RAPGEF4: variants seen among roughly 807,000 people sequenced by gnomAD.
The protein encoded by RAPGEF4 is RAP guanine-nucleotide-exchange factor (GEF) 4.
In RAPGEF4, 66 loss-of-function variants were observed where a neutral mutation model predicts 147.9. The ratio of observed to expected loss-of-function variants is 0.45; its 90% CI spans 0.37 to 0.55. RAPGEF4 has a LOEUF of 0.55. Ranked by LOEUF, RAPGEF4 falls within the 20% of genes least tolerant of loss-of-function variation. The pLI, the probability that RAPGEF4 is intolerant of heterozygous loss-of-function variation, is 0.00. For missense variants in RAPGEF4, 1,071 were observed against 1,257.3 expected (o/e 0.85, Z 2.24); for synonymous variants, 419 against 442.7 (o/e 0.95, Z 0.67).
At chr2:172,991,232 T>G (rs1692803401) in intron 15 of RAPGEF4, among the ~76,000 whole-genome samples, 1 of 152,168 alleles carries the variant, frequency 6.6e-6, no homozygotes. Flanking sequence ...ACAATGGGAA[T>G]AGCAATGCCA....
At chr2:172,797,201 T>C (rs1160701015) in intron 2 of RAPGEF4, among the ~76,000 whole-genome samples, 2 of 152,224 alleles carry the variant, frequency 1.3e-5, no homozygotes, top group East Asian at 1.9e-4. Flanking sequence ...GCTTTTAATA[T>C]AGTCTTGGGA....
At chr2:172,965,736 C>T (rs1186703020) in intron 9 of RAPGEF4, 53 bp downstream of exon 9, 3 of 1,610,368 alleles carry the variant, frequency 1.9e-6, no homozygotes, top group African/African-American at 1.3e-5. Context: ...AAGTGCATTT[C>T]CCTGGGTAAG....
At chr2:172,777,401 AG>A (rs1684278143) in intron 1 of RAPGEF4, among the ~76,000 whole-genome samples, 2 of 152,158 alleles carry the variant, frequency 1.3e-5, no homozygotes, top group South Asian at 4.2e-4. Context: ...CTTATGTTCT[AG>A]TGGAGACAAT....
At chr2:173,004,632 A>G (rs1347328733) in intron 17 of RAPGEF4, among the ~76,000 whole-genome samples, 2 of 152,002 alleles carry the variant, frequency 1.3e-5, no homozygotes, top group Non-Finnish European at 2.9e-5. Flanking sequence ...TTTCTATGCC[A>G]TTTTTCTAAA....
At chr2:172,846,022 C>A (rs1246465938) in intron 4 of RAPGEF4, among the ~76,000 whole-genome samples, 1 of 152,196 alleles carries the variant, frequency 6.6e-6, no homozygotes, top group African/African-American at 2.4e-5. Context: ...AGCAAACCCT[C>A]CTCACCGCAG....
intron 4 of RAPGEF4, among the ~76,000 whole-genome samples, chr2:172,897,296 A>G (rs1051022415): frequency 2.6e-5 from 4 of 152,140 alleles, no homozygotes; most frequent in Admixed American, 6.5e-5. Flanking sequence ...GACACCCCAC[A>G]TCCCAGTTAG....
intron 6 of RAPGEF4, among the ~76,000 whole-genome samples, chr2:172,924,691 G>A (rs1023674235): frequency 6.6e-6 from 1 of 152,198 alleles, no homozygotes; most frequent in Non-Finnish European, 1.5e-5. Flanking sequence ...GAGCCTTAAA[G>A]TGGTGTTAAT....
At chr2:172,944,764 C>T (rs1464795213) in intron 6 of RAPGEF4, among the ~76,000 whole-genome samples, 5 of 152,118 alleles carry the variant, frequency 3.3e-5, no homozygotes, top group African/African-American at 7.2e-5. Context: ...CTACAATCCT[C>T]GTCGTACTTC....
At chr2:172,989,713 C>G (rs1429743107) in intron 14 of RAPGEF4, among the ~76,000 whole-genome samples, 1 of 152,182 alleles carries the variant, frequency 6.6e-6, no homozygotes, top group Admixed American at 6.5e-5. Context: ...CCTTCCCGCC[C>G]TAGCTTGAGT....
At position 172,926,616 on chromosome 2, in the gene RAPGEF4, G is replaced by C. The variant is rs571987735; in HGVS notation, c.537+4316G>C. 9.2e-5 allele frequency among the ~76,000 whole-genome samples: 14 copies of C among 152,188 alleles called. No homozygotes were observed. In the South Asian group the frequency reaches 2.9e-3, roughly 32 times the overall value. On this transcript the variant is annotated intron_variant, in intron 6 of 30. Coordinates refer to ENST00000397081, the MANE Select transcript of RAPGEF4 (RefSeq NM_007023.4). ...AAGATGGAGTCTCGCTCTGTCACCA[G>C]GCTGGAGTGCAGTGGTGCAATCTCA...
chr2:172,790,512 C>T (rs558515604), intron 1 of RAPGEF4, among the ~76,000 whole-genome samples: 3 of 152,206 alleles, frequency 2.0e-5, no homozygotes, highest in South Asian at 2.1e-4. Flanking sequence ...GAGCCTAGAG[C>T]GAGCTATAAT....
intron 4 of RAPGEF4, chr2:172,814,887 T>C (rs1293483528): frequency 8.7e-6 from 2 of 230,468 alleles, no homozygotes; most frequent in Non-Finnish European, 1.7e-5. Flanking sequence ...GAAATGGAGG[T>C]ACATAAAGAT....
At chr2:172,996,143 G>A (rs1268694595) in intron 15 of RAPGEF4, among the ~76,000 whole-genome samples, 1 of 152,122 alleles carries the variant, frequency 6.6e-6, no homozygotes, top group Non-Finnish European at 1.5e-5. Flanking sequence ...GGTTTTACAT[G>A]TTCCTTTTTA....
At chr2:172,947,048 A>G (rs1037344547) in intron 6 of RAPGEF4, among the ~76,000 whole-genome samples, 2 of 152,212 alleles carry the variant, frequency 1.3e-5, no homozygotes, top group African/African-American at 4.8e-5. Flanking sequence ...AATTTCTGAG[A>G]CTTGACATTC....
At chr2:172,764,560 A>G (rs912948218) in intron 1 of RAPGEF4, among the ~76,000 whole-genome samples, 2 of 152,198 alleles carry the variant, frequency 1.3e-5, no homozygotes, top group Non-Finnish European at 1.5e-5. Context: ...ACTTGTCCCA[A>G]TAAAAGGGTA....
At chr2:172,781,694 C>T (rs1043476108) in intron 1 of RAPGEF4, among the ~76,000 whole-genome samples, 1 of 152,106 alleles carries the variant, frequency 6.6e-6, no homozygotes, top group African/African-American at 2.4e-5. Flanking sequence ...ACGCTCGAGA[C>T]CCTGATATAA....
intron 1 of RAPGEF4, among the ~76,000 whole-genome samples, chr2:172,779,037 T>C (rs1684436915): frequency 6.6e-6 from 1 of 152,234 alleles, no homozygotes; most frequent in Non-Finnish European, 1.5e-5. Flanking sequence ...CCGTTAACTT[T>C]TCATGATTAT....
chr2:172,797,146 C>CA (rs1183163568), intron 2 of RAPGEF4, among the ~76,000 whole-genome samples: 1 of 152,178 alleles, frequency 6.6e-6, no homozygotes, highest in Non-Finnish European at 1.5e-5. Context: ...TTAAATCAAT[C>CA]ATTGGTCACC....
chr2:172,836,306 G>A (rs912164441), intron 4 of RAPGEF4, among the ~76,000 whole-genome samples: 3 of 152,200 alleles, frequency 2.0e-5, no homozygotes, highest in African/African-American at 7.2e-5. Flanking sequence ...ATTTCCAGGA[G>A]AAATGCCAGA....
Sources: allele counts gnomAD v4.1 joint callset (sites outside exome capture counted in the v4.1 genomes callset), GRCh38; gene constraint gnomAD v4.1.1; transcripts MANE v1.5; gene names NCBI Gene and HGNC (gene_info 2026-07-23, HGNC 2026-07-21).